Variants in IMPDH2 observed in about 807,000 individuals in gnomAD.
IMPDH2 encodes the protein inosine monophosphate dehydrogenase 2.
IMPDH2 carries 33 observed loss-of-function variants against 57.8 expected under a neutral mutation model. That is an observed-to-expected ratio of 0.57 (90% CI 0.43 to 0.76). The LOEUF is 0.76. IMPDH2 is among the 30% of genes least tolerant of loss of function. The pLI is 0.00. For missense variants in IMPDH2, 446 were observed against 659.1 expected (o/e 0.68, Z 3.54); for synonymous variants, 270 against 241.3 (o/e 1.12, Z -1.10).
rs1200017868 is a variant in IMPDH2 at position 49,029,267 on chromosome 3, G to A, written c.84C>T (p.Asp28=). The A allele has an allele frequency of 3.7e-6, 6 of 1,605,176 alleles. No homozygotes were observed. The African/African-American group carries it at 6.7e-5, about 18-fold the overall frequency. ...TAGGCCCGCACTTGTAGGTGAGGCC[G>A]TCTCCGCAGTTGAAGAGCTGCTGTG... ...LTAQQLFNCG[D]GLTYNDFLIL... Residue 28 remains aspartate, a synonymous_variant, in exon 1 of 14, where the codon GAC becomes GAT. Transcript: ENST00000326739.
chr3:49,026,885 T>G lies in IMPDH2; in HGVS notation c.621A>C (p.Gly207=). Residue 207 remains glycine, a splice_region_variant and synonymous_variant, in exon 7 of 14, where the codon GGA becomes GGC. Coordinates refer to ENST00000326739, the MANE Select transcript of IMPDH2 (RefSeq NM_000884.3). ...CATCTTCATTTACAATGGGCAACTT[T>G]CCTGTGGTCAGGGCAGGACATGAAT... ...ANEILQRSKK[G]KLPIVNEDDE... is the part of the protein sequence containing the mutation. 9 of 1,614,194 alleles carry G rather than the reference T, an allele frequency of 5.6e-6. No homozygotes were observed. Among genetic ancestry groups the G allele is most frequent in the Non-Finnish European group, 6.8e-6 (8 of 1,180,020 alleles).
At chr3:49,025,537 G>T in intron 9 of IMPDH2, 1 of 475,878 alleles carries the variant, frequency 2.1e-6, no homozygotes, top group East Asian at 4.0e-5. Flanking sequence ...TAGCAGCCGG[G>T]AAAGCCCCCG....
rs768383713 is a variant in IMPDH2, at chr3:49,027,868, C to G, written c.373G>C (p.Asp125His). The G allele has an allele frequency of 6.2e-7, 1 of 1,614,248 alleles. No individual in the cohort carries two copies. The highest frequency in any genetic ancestry group is 1.6e-4 in the Middle Eastern group (1 of 6,062). Residue 125 changes from aspartate to histidine, a missense_variant, in exon 5 of 14, where the codon GAT becomes CAT. By Grantham distance (81) the Asp-to-His change is moderately conservative. Transcript: ENST00000326739. ...GCCTCAAAAACATCCCGCACGCGAT[C>G]CTTGGGGCTGAGGACCACAGGGTCT... ...ITDPVVLSPK[D>H]RVRDVFEAKA...
chr3:49,025,283 G>A lies in IMPDH2; in HGVS notation c.1007-14C>T. The stretch of plus-strand genomic sequence containing the variant: ...CACAGGCCAGCACTGTTGAGATGGA[G>A]GAACACATGGGTGGATAGGGTTAAT... On this transcript the variant is annotated splice_polypyrimidine_tract_variant and intron_variant, in intron 9 of 13. Transcript: ENST00000326739. The A allele has an allele frequency of 6.2e-7, 1 of 1,614,204 alleles. No homozygotes were observed. The highest frequency in any genetic ancestry group is 8.5e-7 in the Non-Finnish European group (1 of 1,180,008).
At chr3:49,024,862 G>A (rs370796262) in intron 11 of IMPDH2, 34 bp downstream of exon 11, 9 of 1,614,102 alleles carry the variant, frequency 5.6e-6, no homozygotes, top group African/African-American at 1.3e-5. Flanking sequence ...GTCAGTGCAG[G>A]ATTAGGGTGG....
Position 49,028,742 on chromosome 3 carries a change from T to A in IMPDH2, c.147+16A>T, listed in dbSNP as rs749164951. 2.3e-5 allele frequency: 37 copies of A among 1,608,534 alleles called. No homozygotes were observed. The South Asian group carries it at 3.8e-4, about 17-fold the overall frequency. Reference sequence around the variant, plus strand: ...CTCACCTTGATGTTCAGGACCCAATTCCTGATCATACTCACCACCTGGTCT... The same window carrying A: ...CTCACCTTGATGTTCAGGACCCAATACCTGATCATACTCACCACCTGGTCT... On this transcript the variant is annotated intron_variant, in intron 2 of 13. Coordinates refer to ENST00000326739, the MANE Select transcript of IMPDH2 (RefSeq NM_000884.3).
At chr3:49,028,685 A>G in intron 2 of IMPDH2, 73 bp downstream of exon 2, 3 of 1,420,508 alleles carry the variant, frequency 2.1e-6, no homozygotes, top group Admixed American at 1.7e-5. Context: ...CTGGTGAGTT[A>G]GCCCAGAGAC....
rs373299530 is a variant in IMPDH2 at position 49,027,737 on chromosome 3, C to A, written c.504G>T (p.Glu168Asp). Residue 168 changes from glutamate (E) to aspartate (D), a missense_variant, in exon 5 of 14, where the codon GAG (glutamate) becomes GAT (aspartate). Glu to Asp is a conservative substitution (Grantham distance 45, BLOSUM62 2). Transcript: ENST00000326739. ...CTTCCAAGAAACAGTCATGTTCCTC[C>A]TCTTTGAGAAAATCAATGTCCCTGG... ...ISSRDIDFLKEEEHDCFLEEI... is the reference protein window; with the variant it reads ...ISSRDIDFLKDEEHDCFLEEI... The A allele has an allele frequency of 5.0e-6, 8 of 1,614,198 alleles. No individual in the cohort carries two copies. The highest frequency in any genetic ancestry group is 5.9e-6 in the Non-Finnish European group (7 of 1,180,038).
At position 49,029,306 on chromosome 3, in the gene IMPDH2, G is replaced by A; in HGVS notation, c.45C>T (p.Asp15=). Residue 15 remains aspartate, a synonymous_variant, in exon 1 of 14, where the codon GAC becomes GAT. Coordinates refer to ENST00000326739, the MANE Select transcript of IMPDH2 (RefSeq NM_000884.3). ...AGAGCTGCTGTGCTGTGAGTCCGTC[G>A]TCTGGCACGTAGGACGTGCCCCCAC... ...LISGGTSYVP[D]DGLTAQQLFN... is the part of the protein sequence containing the mutation. 6.2e-7 allele frequency: 1 copy of A among 1,607,456 alleles called. No homozygotes were observed. Among genetic ancestry groups the A allele is most frequent in the South Asian group, 1.1e-5 (1 of 89,886 alleles).
In IMPDH2 at chr3:49,026,361, C is replaced by T; in HGVS notation, c.969G>A (p.Val323=). Residue 323 remains valine (V), a synonymous_variant, in exon 9 of 14, where the codon GTG becomes GTA. Transcript: ENST00000326739. ...TGCAGATGGAGCCACTTCCCATGCC[C>T]ACCCGCAGGGCATCCACACCTGCAT... The part of the protein sequence containing the change: ...LIDAGVDALR[V]GMGSGSICIT... 6.2e-7 allele frequency: 1 copy of T among 1,613,572 alleles called. No homozygotes were observed. Among genetic ancestry groups the T allele is most frequent in the South Asian group, 1.1e-5 (1 of 90,932 alleles).
intron 12 of IMPDH2, 37 bp downstream of exon 12, chr3:49,024,622 C>G: frequency 6.2e-7 from 1 of 1,614,174 alleles, no homozygotes; most frequent in Non-Finnish European, 8.5e-7. Context: ...GGCCCTGGAC[C>G]AGCCCCTCTA....
At chr3:49,025,356 T>C in intron 9 of IMPDH2, 87 bp from the exon 10 acceptor site, 2 of 1,466,110 alleles carry the variant, frequency 1.4e-6, no homozygotes, top group Non-Finnish European at 1.9e-6. Context: ...CCAGGAGCTT[T>C]TGGCTACATC....
intron 9 of IMPDH2, 152 bp downstream of exon 9, chr3:49,026,172 G>A (rs1218387705): frequency 4.3e-6 from 3 of 697,070 alleles, no homozygotes; most frequent in East Asian, 2.7e-5. Flanking sequence ...ACCTTGTCTT[G>A]CTTCCAGCCA....
At position 49,026,580 on chromosome 3, in the gene IMPDH2, C is replaced by G; in HGVS notation, c.849G>C (p.Gln283His). 6.2e-7 allele frequency: 1 copy of G among 1,614,062 alleles called. No individual in the cohort carries two copies. Among genetic ancestry groups the G allele is most frequent in the East Asian group, 2.2e-5 (1 of 44,886 alleles). ...LDSSQGNSIF[Q>H]INMIKYIKDK... ...CTTTGATGTACTTGATCATATTGATCTGGAAGATGGAATTTCCCTGGGAAG... is the reference window on the plus strand; with the variant it reads ...CTTTGATGTACTTGATCATATTGATGTGGAAGATGGAATTTCCCTGGGAAG... The change falls in exon 8 of 14, where the codon CAG (glutamine) becomes CAC (histidine). Residue 283 changes from glutamine (Q) to histidine (H), a missense_variant. By Grantham distance (24) the Gln-to-His change is conservative. Coordinates refer to ENST00000326739, the MANE Select transcript of IMPDH2 (RefSeq NM_000884.3).
chr3:49,028,067 G>C lies in IMPDH2; in HGVS notation c.325-151C>G. 6.4e-6 allele frequency: 5 copies of C among 786,612 alleles called. No homozygotes were observed. The South Asian group carries it at 7.9e-5, about 12-fold the overall frequency. The allele number at this position is 786,612 out of a possible 1,614,324, so 48.7% of individuals were successfully genotyped here. A position where few individuals can be genotyped will look rare whatever the true frequency, so the allele number is the denominator to read the frequency against. The stretch of plus-strand genomic sequence containing the variant: ...ACATCTTAGAGACATGGGTAGGCTG[G>C]AGGCACTGTACACCTGGTCTATTGC... On this transcript the variant is annotated intron_variant, in intron 4 of 13. Transcript: ENST00000326739.
chr3:49,025,018 A>G lies in IMPDH2; in HGVS notation c.1173T>C (p.Ala391=). The change falls in exon 11 of 14, where the codon GCT becomes GCC. Residue 391 remains alanine (A), a synonymous_variant. Coordinates refer to ENST00000326739, the MANE Select transcript of IMPDH2 (RefSeq NM_000884.3). ...ASTVMMGSLL[A]ATTEAPGEYF... ...ATTCACCAGGGGCCTCAGTGGTGGC[A>G]GCCAGGAGAGAGCCCATCATGACTG... The G allele has an allele frequency of 1.2e-6, 2 of 1,614,266 alleles. No individual in the cohort carries two copies. The highest frequency in any genetic ancestry group is 1.7e-6 in the Non-Finnish European group (2 of 1,180,056).
intron 9 of IMPDH2, chr3:49,026,002 A>G (rs1266999410): frequency 2.1e-6 from 1 of 486,700 alleles, no homozygotes; most frequent in Non-Finnish European, 4.0e-6. Context: ...TACTATAGCA[A>G]CCCGTGACAG....
Position 49,029,282 on chromosome 3 carries a change from G to A in IMPDH2, c.69C>T (p.Leu23=), listed in dbSNP as rs1396591402. The A allele has an allele frequency of 3.1e-6, 5 of 1,608,074 alleles. No homozygotes were observed. The highest frequency in any genetic ancestry group is 1.7e-5 in the Admixed American group (1 of 58,926). ...AGGTGAGGCCGTCTCCGCAGTTGAA[G>A]AGCTGCTGTGCTGTGAGTCCGTCGT... is the stretch of plus-strand genomic sequence containing the variant. The part of the protein sequence containing the change: ...VPDDGLTAQQ[L]FNCGDGLTYN... The change falls in exon 1 of 14, where the codon CTC becomes CTT. Residue 23 remains leucine (L), a synonymous_variant. Transcript: ENST00000326739.
intron 4 of IMPDH2, 53 bp from the exon 5 acceptor site, chr3:49,027,969 G>T: frequency 7.4e-7 from 1 of 1,359,164 alleles, no homozygotes; most frequent in Non-Finnish European, 1.0e-6. Context: ...CTTTCATCAG[G>T]CTCTTGATCT....
Sources: allele counts gnomAD v4.1 joint callset, GRCh38; gene constraint gnomAD v4.1.1; transcripts MANE v1.5; gene names NCBI Gene and HGNC (gene_info 2026-07-23, HGNC 2026-07-21).